The following GPALPP1 variants were observed in gnomAD, a reference collection of about 807,000 sequenced individuals.
The protein encoded by GPALPP1 is GPALPP motifs-containing protein 1.
In GPALPP1, 30 loss-of-function variants were observed where a neutral mutation model predicts 38.9. That is an observed-to-expected ratio of 0.77 (90% confidence interval 0.58 to 1.05). The LOEUF (loss-of-function observed/expected upper bound fraction) is 1.05. Ranked by LOEUF, GPALPP1 falls within the 50% of genes least tolerant of loss-of-function variation. GPALPP1 has a pLI of 0.00. For missense variants in GPALPP1, 384 were observed against 408.8 expected, an observed-to-expected ratio of 0.94 and a Z score of 0.52; for synonymous variants, 120 against 139.2, an observed-to-expected ratio of 0.86 and a Z score of 0.97.
At chr13:45,020,082 T>G (rs953182053) in intron 6 of GPALPP1, among the ~76,000 whole-genome samples, 2 of 151,864 alleles carry the variant, frequency 1.3e-5, no homozygotes, top group African/African-American at 4.8e-5. Context: ...GGTTTCACCA[T>G]GTTGCCCAGG....
At chr13:45,016,746 C>T (rs1165200336) in intron 6 of GPALPP1, among the ~76,000 whole-genome samples, 1 of 152,148 alleles carries the variant, frequency 6.6e-6, no homozygotes, top group East Asian at 1.9e-4. Flanking sequence ...CCCTCTTGGG[C>T]TCAGGTGATC....
At chr13:44,994,028 G>A (rs1873057901) in intron 1 of GPALPP1, among the ~76,000 whole-genome samples, 2 of 151,166 alleles carry the variant, frequency 1.3e-5, no homozygotes, top group African/African-American at 4.9e-5. Flanking sequence ...GAACCCATGA[G>A]TTCAAGACCA....
At chr13:45,011,653 C>T (rs1409165312) in intron 4 of GPALPP1, among the ~76,000 whole-genome samples, 1 of 152,108 alleles carries the variant, frequency 6.6e-6, no homozygotes, top group Non-Finnish European at 1.5e-5. Context: ...CTGGTCCCTC[C>T]GACACGTGGG....
intron 7 of GPALPP1, among the ~76,000 whole-genome samples, chr13:45,021,829 G>A (rs1875452743): frequency 6.6e-6 from 1 of 152,112 alleles, no homozygotes; most frequent in African/African-American, 2.4e-5. Context: ...TGTAAGAAAA[G>A]ACCAATGGCT....
chr13:45,000,359 G>A (rs1873585631), intron 1 of GPALPP1, among the ~76,000 whole-genome samples: 2 of 152,184 alleles, frequency 1.3e-5, no homozygotes, highest in Non-Finnish European at 2.9e-5. Context: ...GAGGCCAGGA[G>A]TTCAAGGTTA....
At position 44,989,604 on chromosome 13, in the gene GPALPP1, G is replaced by C. The variant is rs1872610296; in HGVS notation, c.-51G>C. 6.5e-7 allele frequency: 1 copy of C among 1,530,304 alleles called. No homozygotes were observed. Among genetic ancestry groups the C allele is most frequent in the African/African-American group, 1.4e-5 (1 of 73,278 alleles). The allele number at this position is 1,530,304 out of a possible 1,614,324, so 94.8% of individuals were successfully genotyped here. ...GATCGCGGGATTCTTTTTGGATAGG[G>C]TTGACGTTCGTGGATAGACTCATAT... On this transcript the variant is annotated 5_prime_UTR_variant, in exon 1 of 8. Transcript: ENST00000379151.
chr13:45,008,791 T>C lies in GPALPP1; in HGVS notation c.324-4T>C. ...GAATGATAAAAGTACATTTTATTTT[T>C]CAGGCCCATAATAGGTCCTGCATTG... On this transcript the variant is annotated splice_polypyrimidine_tract_variant and splice_region_variant and intron_variant, in intron 3 of 7. Coordinates refer to ENST00000379151, the MANE Select transcript of GPALPP1 (RefSeq NM_018559.5). 1 of 1,486,582 alleles carries C rather than the reference T, an allele frequency of 6.7e-7. No individual in the cohort carries two copies. Among genetic ancestry groups the C allele is most frequent in the Non-Finnish European group, 9.4e-7 (1 of 1,066,574 alleles). The allele number at this position is 1,486,582 out of a possible 1,614,324, so 92.1% of individuals were successfully genotyped here. A position where few individuals can be genotyped will look rare whatever the true frequency, so the allele number is the denominator to read the frequency against.
chr13:45,018,173 G>A (rs1032504089), intron 6 of GPALPP1, among the ~76,000 whole-genome samples: 4 of 152,078 alleles, frequency 2.6e-5, no homozygotes, highest in East Asian at 1.9e-4. Context: ...TGAGGTGGGC[G>A]GATCACAAGG....
chr13:45,019,211 C>T (rs1875205589), intron 6 of GPALPP1, among the ~76,000 whole-genome samples: 1 of 149,496 alleles, frequency 6.7e-6, no homozygotes, highest in Non-Finnish European at 1.5e-5. Flanking sequence ...GCAGTGGCAC[C>T]ATCTCAGTTC....
chr13:45,027,413 C>A (rs1875910633), intron 7 of GPALPP1, among the ~76,000 whole-genome samples: 1 of 152,144 alleles, frequency 6.6e-6, no homozygotes, highest in Non-Finnish European at 1.5e-5. Flanking sequence ...TTGAATTTTG[C>A]CACATCCGTG....
At chr13:45,036,904 C>G (rs1876412618) in exon 8 of GPALPP1, 2 of 152,220 alleles carry the variant, frequency 1.3e-5, no homozygotes, top group Admixed American at 1.3e-4. Flanking sequence ...CTGCAGTGAG[C>G]TATGAACATG....
chr13:45,009,430 C>T (rs1874324594), intron 4 of GPALPP1, among the ~76,000 whole-genome samples: 1 of 152,018 alleles, frequency 6.6e-6, no homozygotes, highest in Non-Finnish European at 1.5e-5. Flanking sequence ...ATGCATTTTC[C>T]CTGTATGTGG....
chr13:44,997,658 T>G (rs1873388628), intron 1 of GPALPP1, among the ~76,000 whole-genome samples: 1 of 152,208 alleles, frequency 6.6e-6, no homozygotes, highest in African/African-American at 2.4e-5. Flanking sequence ...TTATTTTTGT[T>G]TTTTAACCTC....
At position 45,015,455 on chromosome 13, in the gene GPALPP1, A is replaced by G. The variant is rs776286629; in HGVS notation, c.564A>G (p.Arg188=). ...GDDDSSKPIV[R]ESWMTELPPE... is the part of the protein sequence containing the mutation. ...AGGATTCATCTAAACCCATTGTAAGAGAGTCATGGATGACTGAACTTCCTC... is the reference window on the plus strand; with the variant it reads ...AGGATTCATCTAAACCCATTGTAAGGGAGTCATGGATGACTGAACTTCCTC... The change falls in exon 6 of 8, where the codon AGA becomes AGG. Residue 188 remains arginine (R), a synonymous_variant. Transcript: ENST00000379151. The G allele has an allele frequency of 6.3e-7, 1 of 1,596,216 alleles. No individual in the cohort carries two copies. The highest frequency in any genetic ancestry group is 1.8e-5 in the Admixed American group (1 of 55,564).
chr13:44,997,047 A>G (rs1873344987), intron 1 of GPALPP1, among the ~76,000 whole-genome samples: 1 of 150,814 alleles, frequency 6.6e-6, no homozygotes, highest in African/African-American at 2.4e-5. Flanking sequence ...CTATGATTTG[A>G]CTACTTTAAG....
At chr13:45,033,573 T>A (rs1224857591), downstream of GPALPP1, 1 of 152,196 alleles carries the variant, frequency 6.6e-6, no homozygotes, top group East Asian at 1.9e-4. Context: ...TAAAGTGTAA[T>A]TTTTTATGTA....
chr13:45,020,743 T>C (rs1282171387), intron 7 of GPALPP1, among the ~76,000 whole-genome samples: 1 of 152,164 alleles, frequency 6.6e-6, no homozygotes, highest in African/African-American at 2.4e-5. Flanking sequence ...TTCTCTTTCT[T>C]TTATATGTCT....
chr13:44,992,946 C>G (rs1872935123), intron 1 of GPALPP1, among the ~76,000 whole-genome samples: 2 of 152,156 alleles, frequency 1.3e-5, no homozygotes, highest in Admixed American at 1.3e-4. Flanking sequence ...CAATAACTCC[C>G]CATTCTCCCC....
At chr13:45,018,703 T>C (rs1875058100) in intron 6 of GPALPP1, among the ~76,000 whole-genome samples, 4 of 151,870 alleles carry the variant, frequency 2.6e-5, no homozygotes, top group Admixed American at 2.6e-4. Context: ...AAGAATATGC[T>C]TAGAGACCAG....
Sources: gnomAD v4.1 joint callset for allele counts (sites outside exome capture counted in the v4.1 genomes callset) on GRCh38, gnomAD v4.1.1 for gene constraint, MANE v1.5 for transcripts, NCBI Gene and HGNC (gene_info 2026-07-23, HGNC 2026-07-21) for gene names.